CA8: variants seen among roughly 807,000 people sequenced by gnomAD.
The protein encoded by CA8 is carbonic anhydrase-related protein.
In CA8, 22 loss-of-function variants were observed where a neutral mutation model predicts 41.4. The ratio of observed to expected loss-of-function variants is 0.53; its 90% confidence interval spans 0.38 to 0.76. The LOEUF (loss-of-function observed/expected upper bound fraction) is 0.76. CA8 is among the 30% of genes least tolerant of loss of function. The pLI, the probability that CA8 is intolerant of heterozygous loss-of-function variation, is 0.00. For missense variants in CA8, 270 were observed against 352.8 expected, an observed-to-expected ratio of 0.77 and a Z score of 1.88; for synonymous variants, 121 against 130.6, an observed-to-expected ratio of 0.93 and a Z score of 0.50.
Position 60,222,649 on chromosome 8 carries a change from C to T in CA8, c.738G>A (p.Gln246=). 1 of 1,551,984 alleles carries T rather than the reference C, an allele frequency of 6.4e-7. No individual in the cohort carries two copies. The highest frequency in any genetic ancestry group is 8.9e-7 in the Non-Finnish European group (1 of 1,123,232). The change falls in exon 7 of 9, where the codon CAG becomes CAA. Residue 246 remains glutamine, a splice_region_variant and synonymous_variant. Coordinates refer to ENST00000317995, the MANE Select transcript of CA8 (RefSeq NM_004056.6). ...FRYPLTISQL[Q]IEEFRRLRTH... The stretch of plus-strand genomic sequence containing the variant: ...GAAAGATTCAAAGTAGCACACTCAC[C>T]TGTAGCTGGGATATAGTTAAAGGGT...
At chr8:60,271,395 G>A (rs1456643385) in intron 2 of CA8, among the ~76,000 whole-genome samples, 3 of 152,018 alleles carry the variant, frequency 2.0e-5, no homozygotes, top group Non-Finnish European at 4.4e-5. Flanking sequence ...GTTCAGCCCT[G>A]ACATTTCATA....
intron 8 of CA8, among the ~76,000 whole-genome samples, chr8:60,195,090 T>A (rs1806243485): frequency 2.0e-5 from 3 of 152,174 alleles, no homozygotes; most frequent in Admixed American, 2.0e-4. Flanking sequence ...ACTCCTCCCT[T>A]TGGGATTTTC....
intron 8 of CA8, among the ~76,000 whole-genome samples, chr8:60,205,374 G>A (rs1806544448): frequency 6.6e-6 from 1 of 152,180 alleles, no homozygotes; most frequent in South Asian, 2.1e-4. Context: ...AACACTTTAT[G>A]AAGTAAAAAG....
intron 2 of CA8, among the ~76,000 whole-genome samples, chr8:60,277,028 G>A (rs997648151): frequency 2.0e-5 from 3 of 151,322 alleles, no homozygotes; most frequent in African/African-American, 4.9e-5. Context: ...GCTGAGGCAA[G>A]AGAATCACTT....
chr8:60,198,384 T>C (rs1262159015), intron 8 of CA8, among the ~76,000 whole-genome samples: 1 of 151,522 alleles, frequency 6.6e-6, no homozygotes, highest in African/African-American at 2.4e-5. Context: ...TTAGAATGAA[T>C]AAATAAGCTT....
chr8:60,255,195 G>A (rs1459146213), intron 3 of CA8, among the ~76,000 whole-genome samples: 2 of 152,178 alleles, frequency 1.3e-5, no homozygotes, highest in East Asian at 3.9e-4. Context: ...TGTGAAATCT[G>A]AGCTACTCTT....
In CA8 at chr8:60,242,131, T is replaced by G. The variant is rs76436839; in HGVS notation, c.418-9752A>C. On this transcript the variant is annotated intron_variant, in intron 3 of 8. Transcript: ENST00000317995. Reference sequence around the variant, plus strand: ...ATGTAAATAAACAAAAATAAGAAATTTATAGCCCAATAGAAGAAAAGGATG... The same window carrying G: ...ATGTAAATAAACAAAAATAAGAAATGTATAGCCCAATAGAAGAAAAGGATG... 4.8e-3 allele frequency among the ~76,000 whole-genome samples: 734 copies of G among 152,234 alleles called. 7 individuals are homozygous for G. Among genetic ancestry groups the G allele is most frequent in the African/African-American group, 0.017 (691 of 41,534 alleles).
chr8:60,233,130 T>C (rs1193550804), intron 3 of CA8, among the ~76,000 whole-genome samples: 1 of 152,204 alleles, frequency 6.6e-6, no homozygotes, highest in Non-Finnish European at 1.5e-5. Flanking sequence ...AAACCAAATG[T>C]CCACTGAGGT....
intron 8 of CA8, among the ~76,000 whole-genome samples, chr8:60,203,560 T>G (rs1806493834): frequency 6.6e-6 from 1 of 152,190 alleles, no homozygotes; most frequent in Admixed American, 6.5e-5. Flanking sequence ...TTTTAAGATT[T>G]TTAATCATAA....
chr8:60,237,850 T>C (rs1296875109), intron 3 of CA8, among the ~76,000 whole-genome samples: 1 of 152,214 alleles, frequency 6.6e-6, no homozygotes, highest in East Asian at 1.9e-4. Context: ...TCACTCCTTA[T>C]AACTCTTCCC....
chr8:60,226,549 T>G (rs1807445380), intron 5 of CA8, among the ~76,000 whole-genome samples: 1 of 152,164 alleles, frequency 6.6e-6, no homozygotes, highest in African/African-American at 2.4e-5. Flanking sequence ...CTCTGGACAC[T>G]AAGGCTAGAG....
At chr8:60,196,129 C>T (rs367729651) in intron 8 of CA8, among the ~76,000 whole-genome samples, 2 of 151,990 alleles carry the variant, frequency 1.3e-5, no homozygotes, top group African/African-American at 2.4e-5. Context: ...AAATAATCAG[C>T]GGAAATCTTA....
chr8:60,219,094 C>T (rs1334660120), intron 7 of CA8, among the ~76,000 whole-genome samples: 1 of 152,062 alleles, frequency 6.6e-6, no homozygotes, highest in Admixed American at 6.6e-5. Context: ...TGTATGCTCC[C>T]ATCCTCACTA....
rs760466887 is a variant in CA8 at position 60,281,043 on chromosome 8, C to G, written c.100+5G>C. On this transcript the variant is annotated splice_donor_5th_base_variant and intron_variant, in intron 1 of 8. Coordinates refer to ENST00000317995, the MANE Select transcript of CA8 (RefSeq NM_004056.6). ...CCCCGGACACCCCGACTCGCGGCCA[C>G]TTACCTTCCTCGTAGCCCCACTCCA... is the stretch of plus-strand genomic sequence containing the variant. 4 of 1,607,908 alleles carry G rather than the reference C, an allele frequency of 2.5e-6. No homozygotes were observed. The highest frequency in any genetic ancestry group is 1.7e-5 in the Admixed American group (1 of 59,970).
chr8:60,255,794 G>A (rs1405082963), intron 3 of CA8, among the ~76,000 whole-genome samples: 1 of 151,952 alleles, frequency 6.6e-6, no homozygotes, highest in Non-Finnish European at 1.5e-5. Flanking sequence ...ACCTAATACT[G>A]CTCTTAAAAT....
At chr8:60,232,721 G>T (rs1470720902) in intron 3 of CA8, 3 of 359,760 alleles carry the variant, frequency 8.3e-6, no homozygotes, top group Admixed American at 7.6e-5. Flanking sequence ...CTCCAGGTCT[G>T]GGCACAAACA....
At chr8:60,202,075 G>A (rs541045801) in intron 8 of CA8, among the ~76,000 whole-genome samples, 10 of 148,558 alleles carry the variant, frequency 6.7e-5, no homozygotes, top group Admixed American at 2.0e-4. Flanking sequence ...ATGGAGTCTC[G>A]CTCTGTCGCC....
chr8:60,257,007 G>T (rs1808663172), intron 3 of CA8, among the ~76,000 whole-genome samples: 1 of 151,864 alleles, frequency 6.6e-6, no homozygotes, highest in South Asian at 2.1e-4. Flanking sequence ...GAGACACAGA[G>T]TCTTGCTCTG....
intron 8 of CA8, among the ~76,000 whole-genome samples, chr8:60,204,405 C>A (rs2130407225): frequency 6.6e-6 from 1 of 152,228 alleles, no homozygotes; most frequent in Non-Finnish European, 1.5e-5. Flanking sequence ...TGTTTTAATT[C>A]ATAGTGGGAG....
Sources: allele counts gnomAD v4.1 joint callset (sites outside exome capture counted in the v4.1 genomes callset), GRCh38; gene constraint gnomAD v4.1.1; transcripts MANE v1.5; gene names NCBI Gene and HGNC (gene_info 2026-07-23, HGNC 2026-07-21).